CNN2: variants seen among roughly 807,000 people sequenced by gnomAD.
CNN2 encodes calponin-2.
In CNN2, 21 loss-of-function variants were observed where a neutral mutation model predicts 31.0. That is an observed-to-expected ratio of 0.68 (90% CI 0.48 to 0.98). The LOEUF (loss-of-function observed/expected upper bound fraction) is 0.98. CNN2 is among the 50% of genes least tolerant of loss of function. CNN2 has a pLI of 0.00. For missense variants in CNN2, 399 were observed against 427.3 expected (o/e 0.93, Z 0.58); for synonymous variants, 165 against 179.6 (o/e 0.92, Z 0.65).
chr19:1,036,238 G>A lies in CNN2; in HGVS notation c.499G>A (p.Gly167Arg), dbSNP rs769708356. The A allele has an allele frequency of 2.6e-5, 42 of 1,588,976 alleles. No homozygotes were observed. Among genetic ancestry groups the A allele is most frequent in the African/African-American group, 5.4e-5 (4 of 74,366 alleles). ...ATMKAGQCVI[G>R]LQMGTNKCAS... ...CATGAAGGCTGGCCAGTGCGTCATC[G>A]GGCTGCAGGTGGGCGACAGCTCCCC... Residue 167 changes from glycine (G) to arginine (R), a missense_variant, in exon 5 of 7, where the codon GGG becomes AGG. Gly to Arg is a moderately radical substitution (Grantham distance 125, BLOSUM62 -2). Coordinates refer to ENST00000263097, the MANE Select transcript of CNN2 (RefSeq NM_004368.4).
At chr19:1,027,668 A>C (rs1305548340) in intron 1 of CNN2, among the ~76,000 whole-genome samples, 1 of 152,136 alleles carries the variant, frequency 6.6e-6, no homozygotes, top group Non-Finnish European at 1.5e-5. Flanking sequence ...TGCGAGACCC[A>C]CGGACAGGAC....
chr19:1,036,590 C>T (rs965531163), intron 6 of CNN2, 28 bp downstream of exon 6: 1 of 1,613,382 alleles, frequency 6.2e-7, no homozygotes. Flanking sequence ...GCCCCCGACT[C>T]CTCTCCCTGC....
Position 1,038,065 on chromosome 19 carries a change from T to C in CNN2, c.*165T>C. ...CAGGCAGCAGAGCTTTTTTCCCCTT[T>C]GCCTTGATCCTTCGCAAGGCTGAGC... On this transcript the variant is annotated 3_prime_UTR_variant, in exon 7 of 7. Coordinates refer to ENST00000263097, the MANE Select transcript of CNN2 (RefSeq NM_004368.4). 2 of 727,844 alleles carry C rather than the reference T, an allele frequency of 2.7e-6. No individual in the cohort carries two copies. Among genetic ancestry groups the C allele is most frequent in the Non-Finnish European group, 4.3e-6 (2 of 459,966 alleles). The allele number at this position is 727,844 out of a possible 1,614,324, so 45.1% of individuals were successfully genotyped here. A position where few individuals can be genotyped will look rare whatever the true frequency, so the allele number is the denominator to read the frequency against.
chr19:1,026,712 G>T lies in CNN2; in HGVS notation c.51G>T (p.Glu17Asp). The change falls in exon 1 of 7, where the codon GAG (glutamate) becomes GAT (aspartate). Residue 17 changes from glutamate (E) to aspartate (D), a missense_variant. Physicochemically the swap from Glu to Asp is conservative, Grantham distance 45. Transcript: ENST00000263097. ...GCCCCTCGTACGGGCTGTCGGCCGA[G>T]GTCAAGAACCGGGTGAGTGAGGGGC... ...NKGPSYGLSA[E>D]VKNRLLSKYD... 6.4e-7 allele frequency: 1 copy of T among 1,551,270 alleles called. No homozygotes were observed. The highest frequency in any genetic ancestry group is 8.7e-7 in the Non-Finnish European group (1 of 1,147,884).
intron 4 of CNN2, 180 bp from the exon 5 acceptor site, chr19:1,035,950 T>C (rs1294418419): frequency 7.0e-6 from 6 of 855,768 alleles, no homozygotes; most frequent in Non-Finnish European, 9.9e-6. Context: ...CTGAAACAGC[T>C]GTATGATGGG....
rs374427898 is a variant in CNN2, at chr19:1,026,737, C to A, written c.63+13C>A. Reference sequence around the variant, plus strand: ...GGTCAAGAACCGGGTGAGTGAGGGGCGCCCCTTGTCCCCCCGACAGCGCGG... The same window carrying A: ...GGTCAAGAACCGGGTGAGTGAGGGGAGCCCCTTGTCCCCCCGACAGCGCGG... On this transcript the variant is annotated intron_variant, in intron 1 of 6. Coordinates refer to ENST00000263097, the MANE Select transcript of CNN2 (RefSeq NM_004368.4). 70 of 1,547,082 alleles carry A rather than the reference C, an allele frequency of 4.5e-5. 1 individual carries two copies. The African/African-American group carries it at 8.7e-4, about 19-fold the overall frequency.
chr19:1,035,688 T>C (rs562648213), intron 4 of CNN2, among the ~76,000 whole-genome samples: 1 of 152,142 alleles, frequency 6.6e-6, no homozygotes, highest in Non-Finnish European at 1.5e-5. Context: ...TTTTGGAGGT[T>C]GAGGCGGGTG....
At chr19:1,028,944 C>T (rs1358391839) in intron 1 of CNN2, among the ~76,000 whole-genome samples, 2 of 152,238 alleles carry the variant, frequency 1.3e-5, no homozygotes, top group African/African-American at 2.4e-5. Flanking sequence ...CTCTGGGCTA[C>T]GAGCTGTTTC....
intron 5 of CNN2, 24 bp from the exon 6 acceptor site, chr19:1,036,392 C>T: frequency 6.2e-7 from 1 of 1,611,134 alleles, no homozygotes; most frequent in Non-Finnish European, 8.5e-7. Flanking sequence ...TGCAGTCTGA[C>T]CTCTCCCACG....
At chr19:1,027,713 G>A (rs993960091) in intron 1 of CNN2, among the ~76,000 whole-genome samples, 17 of 152,244 alleles carry the variant, frequency 1.1e-4, no homozygotes, top group Non-Finnish European at 2.2e-4. Flanking sequence ...CCAGCTGGAG[G>A]GGGGTGTCGT....
Position 1,032,600 on chromosome 19 carries a change from C to G in CNN2, c.294C>G (p.Tyr98Ter). The G allele has an allele frequency of 6.2e-7, 1 of 1,613,130 alleles. No homozygotes were observed. Among genetic ancestry groups the G allele is most frequent in the South Asian group, 1.1e-5 (1 of 91,056 alleles). Residue 98 changes from tyrosine (Y) to a stop codon, truncating the protein, a stop_gained, in exon 4 of 7, where the codon TAC (tyrosine) becomes TAG (stop). Coordinates refer to ENST00000263097, the MANE Select transcript of CNN2 (RefSeq NM_004368.4). LOFTEE classifies it high-confidence loss of function. Reference protein sequence around the residue: ...LSNFIKAMVSYGMNPVDLFEA... With the variant: ...LSNFIKAMVS ...ACTTCATCAAGGCCATGGTCAGCTA[C>G]GGCATGAACCCTGTGGACCTGTTCG... is the stretch of plus-strand genomic sequence containing the variant.
Position 1,033,672 on chromosome 19 carries a change from GGGA to G in CNN2, c.390+978_390+980del, listed in dbSNP as rs1568174818. 2.8e-4 allele frequency among the ~76,000 whole-genome samples: 29 copies of G among 103,930 alleles called. 4 individuals carry two copies. Among genetic ancestry groups the G allele is most frequent in the African/African-American group, 9.1e-4 (28 of 30,830 alleles). 68.2% of individuals were successfully genotyped at this position (103,930 alleles called of 152,430 possible). A position where few individuals can be genotyped will look rare whatever the true frequency, so the allele number is the denominator to read the frequency against. ...GGTGGGACAGTGTCTGGTGTAGACC[GGGA>G]GCGTGGGTGGGACACGGTGTCTGGT... On this transcript the variant is annotated intron_variant, in intron 4 of 6. Coordinates refer to ENST00000263097, the MANE Select transcript of CNN2 (RefSeq NM_004368.4).
Position 1,031,073 on chromosome 19 carries a change from C to T in CNN2, c.66C>T (p.Leu22=). 2 of 1,612,206 alleles carry T rather than the reference C, an allele frequency of 1.2e-6. No homozygotes were observed. The highest frequency in any genetic ancestry group is 1.3e-5 in the African/African-American group (1 of 74,992). Residue 22 remains leucine, a splice_region_variant and synonymous_variant, in exon 2 of 7, where the codon CTC becomes CTT. Transcript: ENST00000263097. ...YGLSAEVKNR[L]LSKYDPQKEA... is the part of the protein sequence containing the mutation. ...TCTCGTGCCCTTTGCTCCACCAGCT[C>T]CTGTCCAAATATGACCCCCAGAAGG...
intron 5 of CNN2, 71 bp from the exon 6 acceptor site, chr19:1,036,345 T>C: frequency 6.3e-7 from 1 of 1,586,422 alleles, no homozygotes; most frequent in Non-Finnish European, 8.6e-7. Context: ...AGCCCTGTGG[T>C]CCCTCAATTT....
intron 2 of CNN2, among the ~76,000 whole-genome samples, chr19:1,031,717 T>C (rs956078337): frequency 6.7e-6 from 1 of 148,910 alleles, no homozygotes; most frequent in Non-Finnish European, 1.5e-5. Context: ...TGGGTTCAAG[T>C]GATTCCCCTG....
intron 1 of CNN2, chr19:1,026,996 C>A (rs2039408936): frequency 2.5e-6 from 1 of 404,594 alleles, no homozygotes. Flanking sequence ...GGTCTGACTT[C>A]GTCCCCTCGC....
In CNN2 at chr19:1,031,076, G is replaced by A; in HGVS notation, c.69G>A (p.Leu23=). The change falls in exon 2 of 7, where the codon CTG becomes CTA. Residue 23 remains leucine (L), a synonymous_variant. Transcript: ENST00000263097. ...GLSAEVKNRL[L]SKYDPQKEAE... ...CGTGCCCTTTGCTCCACCAGCTCCT[G>A]TCCAAATATGACCCCCAGAAGGAGG... is the stretch of plus-strand genomic sequence containing the variant. 2 of 1,612,428 alleles carry A rather than the reference G, an allele frequency of 1.2e-6. No homozygotes were observed. The highest frequency in any genetic ancestry group is 1.7e-6 in the Non-Finnish European group (2 of 1,179,418).
chr19:1,026,772 G>A, intron 1 of CNN2, 48 bp downstream of exon 1: 1 of 1,528,394 alleles, frequency 6.5e-7, no homozygotes. Context: ...GCCGTCGCAC[G>A]CTCCGACCGG....
At chr19:1,028,345 C>T (rs908803131) in intron 1 of CNN2, among the ~76,000 whole-genome samples, 2 of 152,108 alleles carry the variant, frequency 1.3e-5, no homozygotes, top group African/African-American at 4.8e-5. Context: ...CCCGCGCAAC[C>T]CTCAGTCTGT....
Sources: gnomAD v4.1 joint callset for allele counts (sites outside exome capture counted in the v4.1 genomes callset) on GRCh38, gnomAD v4.1.1 for gene constraint, MANE v1.5 for transcripts, NCBI Gene and HGNC (gene_info 2026-07-23, HGNC 2026-07-21) for gene names.